Variants in ALK observed in about 807,000 individuals in gnomAD.
ALK encodes ALK tyrosine kinase receptor.
ALK carries 74 observed loss-of-function variants against 163.1 expected under a neutral mutation model. The ratio of observed to expected loss-of-function variants is 0.45; its 90% CI spans 0.38 to 0.55. The LOEUF (loss-of-function observed/expected upper bound fraction) is 0.55. Ranked by LOEUF, ALK falls within the 20% of genes least tolerant of loss-of-function variation. The pLI is 0.00. For missense variants in ALK, 2,063 were observed against 2,105.3 expected, an observed-to-expected ratio of 0.98 and a Z score of 0.39; for synonymous variants, 960 against 843.2, an observed-to-expected ratio of 1.14 and a Z score of -2.40.
intron 23 of ALK, 94 bp from the exon 24 acceptor site, chr2:29,214,175 G>T: frequency 1.9e-6 from 2 of 1,054,452 alleles, no homozygotes; most frequent in Non-Finnish European, 1.4e-6. Flanking sequence ...CAAGGAGGCA[G>T]ACCGTGAACA....
At chr2:29,430,310 C>G (rs534861394) in intron 4 of ALK, among the ~76,000 whole-genome samples, 180 of 152,246 alleles carry the variant, frequency 1.2e-3, no homozygotes, top group Middle Eastern at 6.8e-3. Context: ...TCTGATGAGA[C>G]TTGTATCTAG....
intron 18 of ALK, 57 bp downstream of exon 18, chr2:29,226,865 C>T (rs1664011304): frequency 1.2e-6 from 2 of 1,606,828 alleles, no homozygotes; most frequent in Admixed American, 1.7e-5. Context: ...CATTTGTGGT[C>T]ATGGGCCAAA....
At chr2:29,540,895 C>A (rs994456945) in intron 3 of ALK, among the ~76,000 whole-genome samples, 1 of 152,112 alleles carries the variant, frequency 6.6e-6, no homozygotes, top group Non-Finnish European at 1.5e-5. Flanking sequence ...TACATGAACT[C>A]ACAAAGTTCG....
At chr2:29,708,932 G>A (rs1473761726) in intron 2 of ALK, among the ~76,000 whole-genome samples, 1 of 152,198 alleles carries the variant, frequency 6.6e-6, no homozygotes, top group East Asian at 1.9e-4. Context: ...TTCAAGTCCT[G>A]TGAATTGGAG....
intron 1 of ALK, among the ~76,000 whole-genome samples, chr2:29,805,127 T>A (rs1664573496): frequency 6.6e-6 from 1 of 152,158 alleles, no homozygotes; most frequent in South Asian, 2.1e-4. Context: ...GTGAAACAAC[T>A]CATCACCTAT....
intron 1 of ALK, among the ~76,000 whole-genome samples, chr2:29,831,198 G>GGGAAGA (rs1325840196): frequency 2.0e-5 from 1 of 50,748 alleles, no homozygotes; most frequent in Non-Finnish European, 3.7e-5. Context: ...GAAGGGGAAG[G>GGGAAGA]GGAAGGGGAA....
chr2:29,522,196 C>A (rs1028537307), intron 4 of ALK, among the ~76,000 whole-genome samples: 2 of 152,182 alleles, frequency 1.3e-5, no homozygotes, highest in Non-Finnish European at 2.9e-5. Flanking sequence ...CAGATCCAGT[C>A]TACTCCTTAC....
chr2:29,743,735 C>T (rs546801384), intron 1 of ALK, among the ~76,000 whole-genome samples: 6 of 152,296 alleles, frequency 3.9e-5, no homozygotes, highest in African/African-American at 1.2e-4. Context: ...CTCTGTTAGC[C>T]TGAGGCCTGC....
At position 29,581,065 on chromosome 2, in the gene ALK, G is replaced by A. The variant is rs73921109; in HGVS notation, c.953-48949C>T. Among the ~76,000 whole-genome samples, 194 of 152,278 alleles carry A rather than the reference G, an allele frequency of 1.3e-3. 1 individual carries two copies. Among genetic ancestry groups the A allele is most frequent in the African/African-American group, 4.3e-3 (179 of 41,554 alleles). ...GCCTGGCATCAAGATTCCTTTCCAA[G>A]AAGTTGTCACACATGTTTCAGAGAC... On this transcript the variant is annotated intron_variant, in intron 3 of 28. Coordinates refer to ENST00000389048, the MANE Select transcript of ALK (RefSeq NM_004304.5).
At chr2:29,755,354 T>A (rs1488999604) in intron 1 of ALK, among the ~76,000 whole-genome samples, 2 of 152,186 alleles carry the variant, frequency 1.3e-5, no homozygotes, top group Non-Finnish European at 2.9e-5. Context: ...CATCCACACA[T>A]CCTTGGCTCT....
chr2:29,497,033 G>A (rs1029849938), intron 4 of ALK, among the ~76,000 whole-genome samples: 2 of 152,190 alleles, frequency 1.3e-5, no homozygotes, highest in African/African-American at 4.8e-5. Flanking sequence ...CACTTTGGGT[G>A]GCTGAGGCGG....
intron 3 of ALK, among the ~76,000 whole-genome samples, chr2:29,623,767 ATTTC>A (rs1676109233): frequency 6.6e-6 from 1 of 152,238 alleles, no homozygotes; most frequent in East Asian, 1.9e-4. Flanking sequence ...AAGAAAAGGA[ATTTC>A]TTAGTCTATA....
At chr2:29,737,420 T>A (rs1432776055) in intron 1 of ALK, among the ~76,000 whole-genome samples, 4 of 152,106 alleles carry the variant, frequency 2.6e-5, no homozygotes, top group Non-Finnish European at 4.4e-5. Context: ...ATTTTACATT[T>A]CATATATAGT....
At chr2:29,909,847 G>A (rs1367729354) in intron 1 of ALK, among the ~76,000 whole-genome samples, 1 of 152,036 alleles carries the variant, frequency 6.6e-6, no homozygotes, top group Non-Finnish European at 1.5e-5. Flanking sequence ...CTCAAACAAA[G>A]CTTGACAATA....
intron 4 of ALK, among the ~76,000 whole-genome samples, chr2:29,510,815 A>G (rs536781978): frequency 9.9e-4 from 150 of 152,256 alleles, no homozygotes; most frequent in Non-Finnish European, 1.5e-3. Flanking sequence ...AAGAGAACAG[A>G]GTGGGCTGAT....
chr2:29,319,190 A>T (rs10190451), intron 7 of ALK: 1 of 152,306 alleles, frequency 6.6e-6, no homozygotes, highest in African/African-American at 2.4e-5. Flanking sequence ...GGTGGGAAGA[A>T]GCATCTGCAA....
intron 18 of ALK, 135 bp from the exon 19 acceptor site, chr2:29,225,700 T>A: frequency 2.6e-6 from 2 of 758,522 alleles, no homozygotes; most frequent in Admixed American, 4.1e-5. Flanking sequence ...TTGTCACACT[T>A]TTCTTTTCAG....
intron 4 of ALK, among the ~76,000 whole-genome samples, chr2:29,497,399 G>A (rs757599866): frequency 4.6e-5 from 7 of 152,002 alleles, no homozygotes; most frequent in South Asian, 4.2e-4. Flanking sequence ...CCCTACCACC[G>A]GCCTATGCTC....
intron 1 of ALK, among the ~76,000 whole-genome samples, chr2:29,724,694 C>T (rs900518218): frequency 1.3e-5 from 2 of 152,230 alleles, no homozygotes; most frequent in Non-Finnish European, 2.9e-5. Flanking sequence ...TTTGAACTCA[C>T]TGCTCGCTAA....
Sources: gnomAD v4.1 joint callset for allele counts (sites outside exome capture counted in the v4.1 genomes callset) on GRCh38, gnomAD v4.1.1 for gene constraint, MANE v1.5 for transcripts, NCBI Gene and HGNC (gene_info 2026-07-23, HGNC 2026-07-21) for gene names.